MAPRE3: variants seen among roughly 807,000 people sequenced by gnomAD.
MAPRE3 encodes microtubule-associated protein RP/EB family member 3.
In MAPRE3, 2 loss-of-function variants were observed where a neutral mutation model predicts 30.5. The observed-to-expected ratio is 0.07, with a 90% CI of 0.03 to 0.21. The LOEUF is 0.21. Among genes scored for constraint, MAPRE3 ranks in the 10% least tolerant of loss-of-function variants. MAPRE3 has a pLI of 1.00. For missense variants in MAPRE3, 204 were observed against 351.8 expected, an observed-to-expected ratio of 0.58 and a Z score of 3.36; for synonymous variants, 110 against 127.7, an observed-to-expected ratio of 0.86 and a Z score of 0.93.
At chr2:26,996,646 C>T (rs1315062111) in intron 1 of MAPRE3, among the ~76,000 whole-genome samples, 5 of 151,994 alleles carry the variant, frequency 3.3e-5, no homozygotes, top group Admixed American at 6.6e-5. Context: ...AAAAATTAGC[C>T]GGGCGCCGTG....
chr2:26,976,717 TC>T, intron 1 of MAPRE3, among the ~76,000 whole-genome samples: 1 of 152,348 alleles, frequency 6.6e-6, no homozygotes, highest in East Asian at 1.9e-4. Flanking sequence ...AATGATTTTT[TC>T]CCTGAAACTA....
At chr2:26,987,150 A>T (rs529443272) in intron 1 of MAPRE3, among the ~76,000 whole-genome samples, 1 of 152,194 alleles carries the variant, frequency 6.6e-6, no homozygotes. Flanking sequence ...TCCTCCTTGT[A>T]TATCAGTGTA....
intron 1 of MAPRE3, chr2:26,996,829 A>AATAAATAT (rs1666472722): frequency 6.6e-6 from 1 of 152,094 alleles, no homozygotes; most frequent in Non-Finnish European, 1.5e-5. Context: ...TAAATAAATA[A>AATAAATAT]ATAAATAAAA....
chr2:27,014,100 G>A (rs948765488), intron 1 of MAPRE3: 1 of 152,188 alleles, frequency 6.6e-6, no homozygotes, highest in African/African-American at 2.4e-5. Flanking sequence ...GACCTAAAAA[G>A]TAGGTGTTTG....
At chr2:27,005,753 T>C (rs1199043807) in intron 1 of MAPRE3, among the ~76,000 whole-genome samples, 1 of 152,136 alleles carries the variant, frequency 6.6e-6, no homozygotes, top group Non-Finnish European at 1.5e-5. Flanking sequence ...TTATAATGAA[T>C]AGAAATAGGT....
chr2:27,026,241 T>TGCCTGGCCC, intron 6 of MAPRE3, 39 bp from the exon 7 acceptor site: 1 of 1,583,420 alleles, frequency 6.3e-7, no homozygotes. Flanking sequence ...CTGCCTGGCC[T>TGCCTGGCCC]GCCTGGCCCA....
chr2:26,972,985 A>T (rs1665943952), intron 1 of MAPRE3, among the ~76,000 whole-genome samples: 1 of 152,198 alleles, frequency 6.6e-6, no homozygotes, highest in Admixed American at 6.5e-5. Flanking sequence ...AAGGAGAGGG[A>T]CATGATTTGA....
At chr2:27,003,917 G>A (rs1050362898) in intron 1 of MAPRE3, among the ~76,000 whole-genome samples, 1 of 152,296 alleles carries the variant, frequency 6.6e-6, no homozygotes, top group African/African-American at 2.4e-5. Context: ...GTGAGGTTCT[G>A]TGCGGATGCT....
intron 1 of MAPRE3, among the ~76,000 whole-genome samples, chr2:26,995,080 T>C (rs374687094): frequency 3.3e-5 from 5 of 152,318 alleles, no homozygotes; most frequent in East Asian, 3.9e-4. Flanking sequence ...AAGGGCCAGA[T>C]AGTAAATATT....
chr2:27,013,833 A>G (rs1389532982), intron 1 of MAPRE3: 1 of 152,238 alleles, frequency 6.6e-6, no homozygotes, highest in Non-Finnish European at 1.5e-5. Context: ...GATCTTGCCT[A>G]TCAGTAAAGG....
At position 27,026,638 on chromosome 2, in the gene MAPRE3, GCCCC is replaced by G; in HGVS notation, c.*291_*294del. ...ACTTCCCAGGGTGCTGCTGCCACCC[GCCCC>G]AGCCAGCCACCTGCTCCTGACAGCC... On this transcript the variant is annotated 3_prime_UTR_variant, in exon 7 of 7. Coordinates refer to ENST00000233121, the MANE Select transcript of MAPRE3 (RefSeq NM_012326.4). 3.6e-5 allele frequency: 13 copies of G among 360,762 alleles called. No homozygotes were observed. Among genetic ancestry groups the G allele is most frequent in the Non-Finnish European group, 5.0e-5 (10 of 201,496 alleles). The allele number at this position is 360,762 out of a possible 1,614,324, so 22.3% of individuals were successfully genotyped here.
At chr2:27,000,598 T>G (rs1029850929) in intron 1 of MAPRE3, among the ~76,000 whole-genome samples, 3 of 152,260 alleles carry the variant, frequency 2.0e-5, no homozygotes, top group Non-Finnish European at 4.4e-5. Flanking sequence ...TTATTTCATT[T>G]GATTCTGCCA....
intron 1 of MAPRE3, among the ~76,000 whole-genome samples, chr2:27,016,402 T>C (rs2148223417): frequency 6.8e-6 from 1 of 147,152 alleles, no homozygotes; most frequent in South Asian, 2.1e-4. Flanking sequence ...TTTTTTTTTT[T>C]AAGATGGAGT....
chr2:26,976,898 G>T (rs1666025249), intron 1 of MAPRE3, among the ~76,000 whole-genome samples: 1 of 152,200 alleles, frequency 6.6e-6, no homozygotes, highest in Non-Finnish European at 1.5e-5. Flanking sequence ...AAAATCAGAG[G>T]TGTGTACAGA....
chr2:26,990,008 G>A (rs1263968698), intron 1 of MAPRE3, among the ~76,000 whole-genome samples: 1 of 152,120 alleles, frequency 6.6e-6, no homozygotes, highest in Admixed American at 6.6e-5. Context: ...GTGAGACCCT[G>A]TCTCTACAAA....
intron 1 of MAPRE3, among the ~76,000 whole-genome samples, chr2:26,983,850 C>G (rs1001200756): frequency 6.6e-6 from 1 of 152,208 alleles, no homozygotes; most frequent in African/African-American, 2.4e-5. Context: ...TAAGAAGCTT[C>G]CCAAGATACC....
At chr2:27,021,983 G>A (rs1386227586) in intron 1 of MAPRE3, among the ~76,000 whole-genome samples, 1 of 152,174 alleles carries the variant, frequency 6.6e-6, no homozygotes, top group African/African-American at 2.4e-5. Flanking sequence ...TCAAGGCAGA[G>A]GCCATTTCTT....
At chr2:26,990,893 T>G (rs888137593) in intron 1 of MAPRE3, among the ~76,000 whole-genome samples, 1 of 152,222 alleles carries the variant, frequency 6.6e-6, no homozygotes, top group African/African-American at 2.4e-5. Context: ...GCCTTCAGGC[T>G]ATTCTGCCTG....
chr2:27,004,934 A>G (rs937369166), intron 1 of MAPRE3, among the ~76,000 whole-genome samples: 1 of 152,124 alleles, frequency 6.6e-6, no homozygotes, highest in African/African-American at 2.4e-5. Context: ...GTAAATATAT[A>G]TGGGTAATAA....
Sources: gnomAD v4.1 joint callset for allele counts (sites outside exome capture counted in the v4.1 genomes callset) on GRCh38, gnomAD v4.1.1 for gene constraint, MANE v1.5 for transcripts, NCBI Gene and HGNC (gene_info 2026-07-23, HGNC 2026-07-21) for gene names.